The following DRC8 variants were observed in gnomAD, a reference collection of about 807,000 sequenced individuals.
DRC8 encodes the protein dynein regulatory complex subunit 8.
the DRC8 span, among the ~76,000 whole-genome samples, chr1:245,111,536 G>C: frequency 6.6e-6 from 1 of 152,182 alleles, no homozygotes; most frequent in Middle Eastern, 3.2e-3. Flanking sequence ...TATAGATTTT[G>C]GCTTCTTTGT....
chr1:245,102,368 G>A, the DRC8 span, among the ~76,000 whole-genome samples: 3 of 92,078 alleles, frequency 3.3e-5, no homozygotes, highest in Non-Finnish European at 5.1e-5. Flanking sequence ...ATTTATTTTT[G>A]AGATGGAGTC....
the DRC8 span, among the ~76,000 whole-genome samples, chr1:245,093,697 CAAA>C: frequency 1.5e-5 from 1 of 68,414 alleles, no homozygotes; most frequent in Non-Finnish European, 3.2e-5. Flanking sequence ...CTCCATCTCA[CAAA>C]AAAAAAAAAA....
chr1:245,087,255 T>C, the DRC8 span: 1 of 1,603,998 alleles, frequency 6.2e-7, no homozygotes, highest in Non-Finnish European at 8.5e-7. Context: ...GTGAGCCTTT[T>C]TCTCAAGAGG....
At chr1:245,055,966 G>A in the DRC8 span, among the ~76,000 whole-genome samples, 4 of 152,158 alleles carry the variant, frequency 2.6e-5, no homozygotes, top group South Asian at 8.3e-4. Context: ...ATTTACAGGT[G>A]TGTAATAGCT....
the DRC8 span, among the ~76,000 whole-genome samples, chr1:244,976,443 G>C: frequency 6.6e-6 from 1 of 152,068 alleles, no homozygotes; most frequent in Non-Finnish European, 1.5e-5. Context: ...CTAGCTTTTT[G>C]AAGCCTAATT....
At chr1:245,073,438 C>G in the DRC8 span, among the ~76,000 whole-genome samples, 1 of 152,058 alleles carries the variant, frequency 6.6e-6, no homozygotes, top group Non-Finnish European at 1.5e-5. Flanking sequence ...GCCCGGCCAG[C>G]TTCATTAATT....
At chr1:245,111,637 T>A in the DRC8 span, among the ~76,000 whole-genome samples, 1 of 152,302 alleles carries the variant, frequency 6.6e-6, no homozygotes, top group South Asian at 2.1e-4. Context: ...GACCTTGAAA[T>A]TTCTTTTGTA....
the DRC8 span, chr1:245,087,206 T>C: frequency 6.3e-7 from 1 of 1,593,304 alleles, no homozygotes; most frequent in Non-Finnish European, 8.5e-7. Context: ...AAAAATCAGA[T>C]GATCCTAAAT....
chr1:245,070,538 C>T, the DRC8 span, among the ~76,000 whole-genome samples: 130 of 152,130 alleles, frequency 8.5e-4, no homozygotes, highest in African/African-American at 2.9e-3. Context: ...TATTTTAATT[C>T]GTATTTGTTT....
chr1:244,990,633 C>T, the DRC8 span, among the ~76,000 whole-genome samples: 1 of 152,012 alleles, frequency 6.6e-6, no homozygotes, highest in Admixed American at 6.6e-5. Context: ...TGACATAGCC[C>T]CATCAAGGTG....
At chr1:244,999,227 GAAA>G in the DRC8 span, among the ~76,000 whole-genome samples, 1 of 132,578 alleles carries the variant, frequency 7.5e-6, no homozygotes, top group Non-Finnish European at 1.6e-5. Context: ...TAAGCCTCCT[GAAA>G]AAAAAAAAAA....
chr1:245,027,530 A>G, the DRC8 span, among the ~76,000 whole-genome samples: 1 of 152,202 alleles, frequency 6.6e-6, no homozygotes, highest in Non-Finnish European at 1.5e-5. Context: ...TTAAGTTCAG[A>G]AAAGATTTTG....
chr1:245,040,326 A>G, the DRC8 span, among the ~76,000 whole-genome samples: 1 of 152,254 alleles, frequency 6.6e-6, no homozygotes, highest in South Asian at 2.1e-4. Context: ...CAGACAGCAT[A>G]GGATCTGGTC....
At chr1:244,998,660 A>G in the DRC8 span, among the ~76,000 whole-genome samples, 1 of 152,246 alleles carries the variant, frequency 6.6e-6, no homozygotes, top group African/African-American at 2.4e-5. Flanking sequence ...GATAGTAGGT[A>G]GCTCACAAAA....
At chr1:245,100,946 G>T in the DRC8 span, among the ~76,000 whole-genome samples, 2 of 152,028 alleles carry the variant, frequency 1.3e-5, no homozygotes, top group Non-Finnish European at 2.9e-5. Context: ...GTGCAATGGC[G>T]CAATCTTGGC....
At chr1:245,082,293 A>C in the DRC8 span, 1 of 713,104 alleles carries the variant, frequency 1.4e-6, no homozygotes. Context: ...CCTCCCTCTA[A>C]CCTTTCAAGC....
the DRC8 span, among the ~76,000 whole-genome samples, chr1:245,076,609 T>TA: frequency 6.6e-6 from 1 of 151,782 alleles, no homozygotes; most frequent in Non-Finnish European, 1.5e-5. Context: ...ACATGTCTGA[T>TA]ATAATATATG....
chr1:245,056,786 A>C, the DRC8 span, among the ~76,000 whole-genome samples: 3 of 151,960 alleles, frequency 2.0e-5, no homozygotes, highest in African/African-American at 7.3e-5. Context: ...AAATACAAAA[A>C]ATTAGCTGGG....
chr1:245,007,050 G>A, the DRC8 span, among the ~76,000 whole-genome samples: 132 of 152,322 alleles, frequency 8.7e-4, no homozygotes, highest in African/African-American at 3.2e-3. Context: ...AAATTTGGAG[G>A]ACTGTGATCA....
Sources: allele counts gnomAD v4.1 joint callset (sites outside exome capture counted in the v4.1 genomes callset), GRCh38; gene constraint gnomAD v4.1.1; transcripts MANE v1.5; gene names NCBI Gene and HGNC (gene_info 2026-07-23, HGNC 2026-07-21).